Variants in ANO4 observed in about 807,000 individuals in gnomAD.
ANO4 encodes anoctamin 4.
A neutral mutation model predicts 141.9 loss-of-function variants in ANO4; 69 were observed. That is an observed-to-expected ratio of 0.49 (90% CI 0.40 to 0.59). The LOEUF is 0.59. Ranked by LOEUF, ANO4 falls within the 20% of genes least tolerant of loss-of-function variation. ANO4 has a pLI of 0.00. For synonymous variants in ANO4, 350 were observed against 394.3 expected (o/e 0.89, Z 1.33); for missense variants, 894 against 1,162.2 (o/e 0.77, Z 3.36).
intron 2 of ANO4, among the ~76,000 whole-genome samples, chr12:100,915,540 C>G (rs2041298963): frequency 6.6e-6 from 1 of 152,234 alleles, no homozygotes; most frequent in Middle Eastern, 3.4e-3. Context: ...ATTTGTCAGG[C>G]TTTCCTTTAT....
intron 1 of ANO4, among the ~76,000 whole-genome samples, chr12:100,727,178 T>C (rs974327712): frequency 2.0e-5 from 3 of 152,222 alleles, no homozygotes; most frequent in African/African-American, 7.2e-5. Context: ...TAACTGTCCA[T>C]TAAATTGAGA....
chr12:100,730,820 CA>C (rs1208308586), intron 1 of ANO4, among the ~76,000 whole-genome samples: 2 of 152,008 alleles, frequency 1.3e-5, no homozygotes, highest in Non-Finnish European at 2.9e-5. Context: ...TTAGTTTTCC[CA>C]TATTAAAAAT....
chr12:101,104,621 ATGTG>A (rs796758540), intron 22 of ANO4, among the ~76,000 whole-genome samples: 16 of 49,024 alleles, frequency 3.3e-4, no homozygotes, highest in South Asian at 7.2e-4. Flanking sequence ...GTGTGTATGT[ATGTG>A]TGTATATATA....
chr12:101,028,698 T>A (rs531091735), intron 9 of ANO4, among the ~76,000 whole-genome samples: 1 of 152,176 alleles, frequency 6.6e-6, no homozygotes, highest in Admixed American at 6.5e-5. Flanking sequence ...AAACCTACAA[T>A]TGATTGGAGT....
At chr12:101,088,216 T>C (rs1005558635) in intron 17 of ANO4, among the ~76,000 whole-genome samples, 6 of 152,008 alleles carry the variant, frequency 3.9e-5, no homozygotes, top group African/African-American at 1.5e-4. Context: ...ACCCCAGGAC[T>C]TTTTTTATTT....
chr12:100,902,103 C>T (rs1428418458), intron 2 of ANO4, among the ~76,000 whole-genome samples: 4 of 152,136 alleles, frequency 2.6e-5, no homozygotes, highest in Admixed American at 2.0e-4. Context: ...AGTGCATAAA[C>T]TCTTGCTCAG....
chr12:100,958,705 A>G (rs1056332224), intron 5 of ANO4, among the ~76,000 whole-genome samples: 3 of 152,062 alleles, frequency 2.0e-5, no homozygotes, highest in Admixed American at 6.5e-5. Flanking sequence ...AAAATTAGCC[A>G]GGTGTATTGG....
At chr12:100,941,922 T>C (rs1275736564) in intron 4 of ANO4, among the ~76,000 whole-genome samples, 2 of 150,648 alleles carry the variant, frequency 1.3e-5, no homozygotes, top group Non-Finnish European at 3.0e-5. Context: ...ATTACATTTT[T>C]CACTAATGAA....
chr12:101,104,183 G>A (rs1291898699), intron 22 of ANO4, among the ~76,000 whole-genome samples: 1 of 151,654 alleles, frequency 6.6e-6, no homozygotes, highest in Non-Finnish European at 1.5e-5. Context: ...ACTAACTTTG[G>A]TCTTTGTTGA....
At chr12:100,781,812 C>G (rs2135582395) in intron 3 of ANO4, among the ~76,000 whole-genome samples, 1 of 152,298 alleles carries the variant, frequency 6.6e-6, no homozygotes, top group South Asian at 2.1e-4. Flanking sequence ...TTTGTGATCA[C>G]TTTCTTCTGG....
At position 101,126,933 on chromosome 12, in the gene ANO4, A is replaced by G; in HGVS notation, c.2731A>G (p.Lys911Glu). 6.2e-7 allele frequency: 1 copy of G among 1,614,188 alleles called. No individual in the cohort carries two copies. Among genetic ancestry groups the G allele is most frequent in the Non-Finnish European group, 8.5e-7 (1 of 1,180,024 alleles). The change falls in exon 27 of 28, where the codon AAA becomes GAA. Residue 911 changes from lysine (K) to glutamate (E), a missense_variant. By Grantham distance (56) the Lys-to-Glu change is moderately conservative. Coordinates refer to ENST00000392977, the MANE Select transcript of ANO4 (RefSeq NM_001286615.2). ...TTCATATCTGATCCCAGACCTCCCA[A>G]AAGACCTAAGGGATCGAATGAGAAG... ...LISYLIPDLP[K>E]DLRDRMRREK...
At chr12:100,889,450 C>T (rs1179514692) in intron 1 of ANO4, among the ~76,000 whole-genome samples, 2 of 152,056 alleles carry the variant, frequency 1.3e-5, no homozygotes, top group African/African-American at 2.4e-5. Flanking sequence ...CCTGAGGAAT[C>T]GCCACACTGA....
intron 3 of ANO4, among the ~76,000 whole-genome samples, chr12:100,768,649 A>T (rs989290169): frequency 5.9e-5 from 9 of 152,068 alleles, no homozygotes; most frequent in African/African-American, 2.2e-4. Flanking sequence ...TCTTCAGTGT[A>T]TTTGTTGAAT....
chr12:101,115,047 T>A (rs977892336), intron 24 of ANO4, among the ~76,000 whole-genome samples: 7 of 152,076 alleles, frequency 4.6e-5, no homozygotes, highest in African/African-American at 1.7e-4. Context: ...ATCATTTTGG[T>A]TTAGTGTTCA....
intron 14 of ANO4, among the ~76,000 whole-genome samples, chr12:101,073,503 A>G (rs570177568): frequency 9.2e-5 from 14 of 151,866 alleles, no homozygotes; most frequent in South Asian, 4.2e-4. Context: ...GCAAACCAAC[A>G]TGGCACATGT....
chr12:100,823,513 T>G (rs942587472), intron 1 of ANO4, among the ~76,000 whole-genome samples: 1 of 152,066 alleles, frequency 6.6e-6, no homozygotes, highest in Non-Finnish European at 1.5e-5. Flanking sequence ...CATATATTGC[T>G]TCTATCTATC....
At chr12:100,837,508 G>A (rs1226780727) in intron 1 of ANO4, among the ~76,000 whole-genome samples, 2 of 152,052 alleles carry the variant, frequency 1.3e-5, no homozygotes, top group Non-Finnish European at 2.9e-5. Flanking sequence ...GGGTGCAGTG[G>A]TTCACACCTG....
chr12:100,848,161 TA>T (rs1011566075), intron 1 of ANO4, among the ~76,000 whole-genome samples: 8 of 152,350 alleles, frequency 5.3e-5, no homozygotes, highest in Admixed American at 1.3e-4. Flanking sequence ...TTAGGACTTA[TA>T]AATGTTCCCC....
At chr12:100,856,046 C>T (rs541113490) in intron 1 of ANO4, among the ~76,000 whole-genome samples, 6 of 152,178 alleles carry the variant, frequency 3.9e-5, no homozygotes, top group African/African-American at 1.4e-4. Context: ...GATAATATTC[C>T]AGGCTGAGAG....
Sources: gnomAD v4.1 joint callset for allele counts (sites outside exome capture counted in the v4.1 genomes callset) on GRCh38, gnomAD v4.1.1 for gene constraint, MANE v1.5 for transcripts, NCBI Gene and HGNC (gene_info 2026-07-23, HGNC 2026-07-21) for gene names.